Variants in HNF1B observed in about 807,000 individuals in gnomAD.
The protein encoded by HNF1B is HNF1 homeobox B.
HNF1B carries 8 observed loss-of-function variants against 61.7 expected under a neutral mutation model. The observed-to-expected ratio is 0.13, with a 90% CI of 0.08 to 0.23. The LOEUF (loss-of-function observed/expected upper bound fraction) is 0.23, where lower values mean the gene tolerates loss of function less well. Among genes scored for constraint, HNF1B ranks in the 10% least tolerant of loss-of-function variants. The pLI, the probability that HNF1B is intolerant of heterozygous loss-of-function variation, is 1.00. For missense variants in HNF1B, 562 were observed against 714.5 expected (o/e 0.79, Z 2.43); for synonymous variants, 314 against 287.7 (o/e 1.09, Z -0.93).
intron 5 of HNF1B, among the ~76,000 whole-genome samples, chr17:37,707,914 A>G (rs1264374648): frequency 6.6e-6 from 1 of 152,190 alleles, no homozygotes; most frequent in Non-Finnish European, 1.5e-5. Context: ...TTTATTTCCA[A>G]AACCAGTCCT....
In HNF1B at chr17:37,712,617, A is replaced by G. The variant is rs1359582094; in HGVS notation, c.1046-1954T>C. On this transcript the variant is annotated intron_variant, in intron 4 of 8. Coordinates refer to ENST00000617811, the MANE Select transcript of HNF1B (RefSeq NM_000458.4). Reference sequence around the variant, plus strand: ...AAATAAATAACAGGAAGAATTTTCTATCAAGGAGGGGCAGTGGGAAGACTA... The same window carrying G: ...AAATAAATAACAGGAAGAATTTTCTGTCAAGGAGGGGCAGTGGGAAGACTA... 2.0e-5 allele frequency among the ~76,000 whole-genome samples: 3 copies of G among 152,310 alleles called. No individual in the cohort carries two copies. The East Asian group carries it at 5.8e-4, about 29-fold the overall frequency.
chr17:37,708,574 A>G (rs2032828156), intron 5 of HNF1B, among the ~76,000 whole-genome samples: 1 of 152,138 alleles, frequency 6.6e-6, no homozygotes, highest in Non-Finnish European at 1.5e-5. Flanking sequence ...GTTCTTCCAC[A>G]CTGAGAAGTC....
intron 8 of HNF1B, among the ~76,000 whole-genome samples, chr17:37,697,159 G>A (rs2032411866): frequency 6.6e-6 from 1 of 152,142 alleles, no homozygotes; most frequent in African/African-American, 2.4e-5. Flanking sequence ...CTGGGTTTTA[G>A]TTTATTTCTT....
chr17:37,701,859 T>C (rs1372865944), intron 6 of HNF1B, among the ~76,000 whole-genome samples: 1 of 152,176 alleles, frequency 6.6e-6, no homozygotes, highest in Non-Finnish European at 1.5e-5. Context: ...AAAGAGGAAG[T>C]AGTACATTAA....
Position 37,745,008 on chromosome 17 carries a change from T to A in HNF1B, c.-124A>T. 1.2e-6 allele frequency: 1 copy of A among 813,074 alleles called. No individual in the cohort carries two copies. The highest frequency in any genetic ancestry group is 2.0e-6 in the Non-Finnish European group (1 of 510,156). The allele number at this position is 813,074 out of a possible 1,614,324, so 50.4% of individuals were successfully genotyped here. On this transcript the variant is annotated 5_prime_UTR_variant, in exon 1 of 9. Transcript: ENST00000617811. ...CTCCACCCTTCAGCCTCCAGACACCTGTTACTCCCCGGGGTCCCGGAGGCT... is the reference window on the plus strand; with the variant it reads ...CTCCACCCTTCAGCCTCCAGACACCAGTTACTCCCCGGGGTCCCGGAGGCT...
intron 1 of HNF1B, among the ~76,000 whole-genome samples, chr17:37,743,440 T>A (rs930934473): frequency 6.6e-6 from 1 of 152,062 alleles, no homozygotes; most frequent in Non-Finnish European, 1.5e-5. Context: ...GGAAAAAAAA[T>A]CTACAAGTTC....
chr17:37,742,958 C>T (rs1162587611), intron 1 of HNF1B, among the ~76,000 whole-genome samples: 3 of 148,774 alleles, frequency 2.0e-5, no homozygotes, highest in African/African-American at 7.7e-5. Flanking sequence ...AATGAATAAC[C>T]CGCCTCTCTT....
intron 8 of HNF1B, among the ~76,000 whole-genome samples, chr17:37,690,250 G>C (rs776523191): frequency 5.3e-5 from 8 of 152,228 alleles, no homozygotes; most frequent in Non-Finnish European, 1.0e-4. Flanking sequence ...AGGAGTCCTG[G>C]AGTGGGATCT....
At chr17:37,691,435 C>G (rs75063081) in intron 8 of HNF1B, among the ~76,000 whole-genome samples, 1,767 of 152,224 alleles carry the variant, frequency 0.012, 36 homozygotes, top group African/African-American at 0.04. Context: ...CTCTTCACCC[C>G]TATGTAAGAG....
chr17:37,698,004 C>T (rs961237529), intron 8 of HNF1B, among the ~76,000 whole-genome samples: 1 of 151,798 alleles, frequency 6.6e-6, no homozygotes, highest in Non-Finnish European at 1.5e-5. Context: ...GAATAGAACC[C>T]ACCTGCTCCA....
chr17:37,694,453 C>T (rs1205816264), intron 8 of HNF1B, among the ~76,000 whole-genome samples: 2 of 67,136 alleles, frequency 3.0e-5, no homozygotes, highest in African/African-American at 8.9e-5. Flanking sequence ...CCCCCCCCCC[C>T]GCAAAAAAAA....
At chr17:37,739,328 T>A (rs2033921897) in intron 2 of HNF1B, 112 bp downstream of exon 2, 1 of 986,648 alleles carries the variant, frequency 1.0e-6, no homozygotes. Flanking sequence ...CTTCCTCATA[T>A]CTGCCAAGTG....
chr17:37,693,121 C>G (rs560683494), intron 8 of HNF1B, among the ~76,000 whole-genome samples: 14 of 136,976 alleles, frequency 1.0e-4, no homozygotes, highest in Non-Finnish European at 2.1e-4. Context: ...ACCCAGTAGG[C>G]GGAGGTTGCA....
At chr17:37,719,885 G>A (rs752784797) in intron 4 of HNF1B, among the ~76,000 whole-genome samples, 2 of 152,190 alleles carry the variant, frequency 1.3e-5, no homozygotes, top group African/African-American at 2.4e-5. Context: ...TTTGAGGTCT[G>A]GCAAGTGTCA....
chr17:37,733,771 G>C lies in HNF1B; in HGVS notation c.595C>G (p.Gln199Glu). 1.9e-6 allele frequency: 3 copies of C among 1,614,144 alleles called. No individual in the cohort carries two copies. Among genetic ancestry groups the C allele is most frequent in the Non-Finnish European group, 2.5e-6 (3 of 1,179,982 alleles). The stretch of plus-strand genomic sequence containing the variant: ...GGAAAGAGAAACAGCAGCTGATCCT[G>C]ACTGCTTTTGTCTGTCATATTTCCA... Reference protein sequence around the residue: ...SSGNMTDKSSQDQLLFLFPEF... With the variant: ...SSGNMTDKSSEDQLLFLFPEF... The change falls in exon 3 of 9, where the codon CAG becomes GAG. Residue 199 changes from glutamine (Q) to glutamate (E), a missense_variant. Physicochemically the swap from Gln to Glu is conservative, Grantham distance 29. This residue lies in a region of HNF1B where 69 missense variants were observed against 81.2 expected (regional missense o/e 0.85). Coordinates refer to ENST00000617811, the MANE Select transcript of HNF1B (RefSeq NM_000458.4).
At chr17:37,737,692 A>G (rs944761865) in intron 2 of HNF1B, among the ~76,000 whole-genome samples, 4 of 149,448 alleles carry the variant, frequency 2.7e-5, no homozygotes, top group Non-Finnish European at 4.4e-5. Context: ...AAAATTAGCC[A>G]GGTGTGGTGG....
At chr17:37,717,219 G>A (rs767811240) in intron 4 of HNF1B, among the ~76,000 whole-genome samples, 1 of 152,152 alleles carries the variant, frequency 6.6e-6, no homozygotes, top group Non-Finnish European at 1.5e-5. Context: ...CTGGTGGGAT[G>A]CCTTTCACCC....
intron 8 of HNF1B, among the ~76,000 whole-genome samples, chr17:37,694,882 T>G (rs933025760): frequency 3.5e-4 from 54 of 152,204 alleles, no homozygotes; most frequent in African/African-American, 1.2e-3. Context: ...GACTTACATT[T>G]GGAATGTTGG....
intron 8 of HNF1B, 105 bp downstream of exon 8, chr17:37,698,971 G>A (rs1598804028): frequency 5.7e-6 from 5 of 871,540 alleles, no homozygotes; most frequent in East Asian, 4.8e-5. Flanking sequence ...AGCCTCAGAA[G>A]GACCTAATTT....
Sources: allele counts gnomAD v4.1 joint callset (sites outside exome capture counted in the v4.1 genomes callset), GRCh38; gene constraint gnomAD v4.1.1; regional missense constraint gnomAD v4.1.1; transcripts MANE v1.5; gene names NCBI Gene and HGNC (gene_info 2026-07-23, HGNC 2026-07-21).